PDE1A: variants seen among roughly 807,000 people sequenced by gnomAD.
PDE1A encodes the protein dual specificity calcium/calmodulin-dependent 3',5'-cyclic nucleotide phosphodiesterase 1A.
In PDE1A, 35 loss-of-function variants were observed where a neutral mutation model predicts 61.7. The ratio of observed to expected loss-of-function variants is 0.57; its 90% CI spans 0.43 to 0.75. The LOEUF is 0.75. Among genes scored for constraint, PDE1A ranks in the 30% least tolerant of loss-of-function variants. The probability of loss-of-function intolerance (pLI) is 0.00; values close to 1 mark genes in which losing one functional copy is unlikely to be tolerated. For synonymous variants in PDE1A, 232 were observed against 213.2 expected (o/e 1.09, Z -0.77); for missense variants, 597 against 630.6 (o/e 0.95, Z 0.57).
At chr2:182,204,860 C>T (rs1686966815) in intron 8 of PDE1A, among the ~76,000 whole-genome samples, 1 of 152,124 alleles carries the variant, frequency 6.6e-6, no homozygotes, top group Non-Finnish European at 1.5e-5. Context: ...AAAGTTCCAC[C>T]TTCCCTCTAC....
chr2:182,193,276 G>A (rs760828050), intron 10 of PDE1A, among the ~76,000 whole-genome samples: 9 of 152,072 alleles, frequency 5.9e-5, no homozygotes, highest in African/African-American at 9.7e-5. Context: ...GTGAGCCACC[G>A]CGCCTGGCCA....
chr2:182,241,346 C>T (rs1226016759), intron 2 of PDE1A, among the ~76,000 whole-genome samples: 1 of 152,220 alleles, frequency 6.6e-6, no homozygotes, highest in Non-Finnish European at 1.5e-5. Flanking sequence ...TTAGCTTCAA[C>T]CTTTGGGTTT....
intron 1 of PDE1A, among the ~76,000 whole-genome samples, chr2:182,268,560 G>A (rs1378703798): frequency 6.6e-6 from 1 of 151,994 alleles, no homozygotes; most frequent in Non-Finnish European, 1.5e-5. Flanking sequence ...TGCAAACAAT[G>A]TGGTCAAATG....
In PDE1A at chr2:182,485,240, T is replaced by C. The variant is rs1043907580; in HGVS notation, c.101+37036A>G. On this transcript the variant is annotated intron_variant, in intron 2 of 14. Coordinates refer to the PDE1A transcript ENST00000410103. Reference sequence around the variant, plus strand: ...GAACACGGATGCAGCTGGAGACCATTAGCCTTGGCAAACTAACACAGGAAC... The same window carrying C: ...GAACACGGATGCAGCTGGAGACCATCAGCCTTGGCAAACTAACACAGGAAC... 1.1e-4 allele frequency among the ~76,000 whole-genome samples: 16 copies of C among 152,174 alleles called. No individual in the cohort carries two copies. The East Asian group carries it at 3.1e-3, about 29-fold the overall frequency.
At chr2:182,375,223 C>T (rs189011706) in intron 1 of PDE1A, among the ~76,000 whole-genome samples, 39 of 152,244 alleles carry the variant, frequency 2.6e-4, no homozygotes, top group Admixed American at 5.9e-4. Context: ...CAGCAGTACC[C>T]CAAAGTCCTA....
At chr2:182,170,008 A>T (rs1692043798) in intron 13 of PDE1A, among the ~76,000 whole-genome samples, 1 of 151,716 alleles carries the variant, frequency 6.6e-6, no homozygotes, top group Non-Finnish European at 1.5e-5. Context: ...AATATTACTT[A>T]AAATATCCTT....
At chr2:182,393,120 C>T (rs1017225392) in intron 1 of PDE1A, among the ~76,000 whole-genome samples, 58 of 152,238 alleles carry the variant, frequency 3.8e-4, no homozygotes, top group Non-Finnish European at 5.3e-4. Context: ...AAGGACTCTG[C>T]CCCTGCAGCA....
At chr2:182,300,065 T>C (rs1055168376) in intron 1 of PDE1A, among the ~76,000 whole-genome samples, 12 of 152,208 alleles carry the variant, frequency 7.9e-5, no homozygotes, top group African/African-American at 2.2e-4. Flanking sequence ...CTGTCCTATA[T>C]GCCCCAAGGT....
At chr2:182,605,508 A>C in the PDE1A span, among the ~76,000 whole-genome samples, 4 of 152,232 alleles carry the variant, frequency 2.6e-5, no homozygotes, top group Non-Finnish European at 4.4e-5. Flanking sequence ...TCCTTGAGTA[A>C]GGACAATGTG....
At chr2:182,350,108 A>G (rs1270211473) in intron 1 of PDE1A, among the ~76,000 whole-genome samples, 3 of 152,142 alleles carry the variant, frequency 2.0e-5, no homozygotes, top group African/African-American at 7.2e-5. Flanking sequence ...CTAACACCAC[A>G]GTAACTAACA....
chr2:182,199,120 C>CAATT (rs1203469071), intron 10 of PDE1A, among the ~76,000 whole-genome samples: 1 of 151,872 alleles, frequency 6.6e-6, no homozygotes, highest in Non-Finnish European at 1.5e-5. Flanking sequence ...TCTAAGTTTT[C>CAATT]AATTTTATTG....
intron 1 of PDE1A, among the ~76,000 whole-genome samples, chr2:182,395,914 C>T (rs1484676460): frequency 6.6e-6 from 1 of 152,204 alleles, no homozygotes; most frequent in Admixed American, 6.5e-5. Flanking sequence ...GTCATCAAGT[C>T]ACCATGAGAC....
intron 7 of PDE1A, among the ~76,000 whole-genome samples, chr2:182,221,921 C>T (rs6741055): frequency 1.3e-5 from 2 of 151,704 alleles, no homozygotes; most frequent in Non-Finnish European, 2.9e-5. Flanking sequence ...ATGATCTATA[C>T]TGTGGATCTC....
chr2:182,352,351 T>C (rs1291997803), intron 1 of PDE1A, among the ~76,000 whole-genome samples: 6 of 152,220 alleles, frequency 3.9e-5, no homozygotes, highest in African/African-American at 1.4e-4. Context: ...ATACTCATGC[T>C]GCTTGCAGTG....
At chr2:182,321,526 A>G (rs554163180) in intron 1 of PDE1A, among the ~76,000 whole-genome samples, 78 of 152,234 alleles carry the variant, frequency 5.1e-4, no homozygotes, top group African/African-American at 1.6e-3. Flanking sequence ...ACAAAATACA[A>G]TCGGTATCCT....
the PDE1A span, among the ~76,000 whole-genome samples, chr2:182,658,060 A>AC: frequency 3.5e-5 from 4 of 114,586 alleles, no homozygotes; most frequent in African/African-American, 1.2e-4. Context: ...AAAAAAAAAA[A>AC]AAAAAAAAAA....
chr2:182,426,835 C>A (rs149646903), exon 1 of PDE1A: 34 of 1,385,432 alleles, frequency 2.5e-5, no homozygotes, highest in Non-Finnish European at 3.2e-5. Flanking sequence ...AAGACAGGCA[C>A]GTTGGGGCAC....
the PDE1A span, among the ~76,000 whole-genome samples, chr2:182,706,200 G>A: frequency 2.0e-5 from 3 of 152,090 alleles, no homozygotes; most frequent in Non-Finnish European, 2.9e-5. Context: ...GCCTCTTAGC[G>A]GCTACTCCCT....
upstream of PDE1A, among the ~76,000 whole-genome samples, chr2:182,429,942 G>A (rs913000372): frequency 2.0e-5 from 3 of 152,276 alleles, no homozygotes; most frequent in Non-Finnish European, 1.5e-5. Context: ...CAAATAGGAC[G>A]TGAGACCACA....
Sources: gnomAD v4.1 joint callset for allele counts (sites outside exome capture counted in the v4.1 genomes callset) on GRCh38, gnomAD v4.1.1 for gene constraint, MANE v1.5 for transcripts, NCBI Gene and HGNC (gene_info 2026-07-23, HGNC 2026-07-21) for gene names.